MCM9: variants seen among roughly 807,000 people sequenced by gnomAD.
MCM9 encodes DNA helicase MCM9.
Under a neutral mutation model 72.8 loss-of-function variants are expected in MCM9, and 55 were observed. The observed-to-expected ratio is 0.76, with a 90% CI of 0.61 to 0.95. MCM9 has a LOEUF of 0.95. MCM9 is among the 40% of genes least tolerant of loss of function. The pLI is 0.00. For synonymous variants in MCM9, 480 were observed against 503.4 expected (o/e 0.95, Z 0.62); for missense variants, 1,279 against 1,377.0 (o/e 0.93, Z 1.13).
chr6:118,907,435 G>C, intron 8 of MCM9: 1 of 1,609,372 alleles, frequency 6.2e-7, no homozygotes, highest in Non-Finnish European at 8.5e-7. Context: ...TAATCCCAGG[G>C]TCACAAGATT....
In MCM9 at chr6:118,814,882, T is replaced by A. The variant is rs1562395187; in HGVS notation, c.3374A>T (p.Glu1125Val). 6.5e-6 allele frequency: 10 copies of A among 1,544,932 alleles called. No individual in the cohort carries two copies. In the South Asian group the frequency reaches 9.6e-5, roughly 15 times the overall value. ...VSKESLFTLP[E>V]LGDEAFDCDW... ...ACAATCAAATGCTTCATCACCTAGT[T>A]CTGGTAAAGTGAAGAGGGATTCTTT... Residue 1125 changes from glutamate to valine, a missense_variant, in exon 14 of 14, where the codon GAA (glutamate) becomes GTA (valine). Physicochemically the swap from Glu to Val is moderately radical, Grantham distance 121 (BLOSUM62 -2). Coordinates refer to ENST00000619706, the MANE Select transcript of MCM9 (RefSeq NM_017696.3).
Position 118,856,483 on chromosome 6 carries a change from G to C in MCM9, c.1213C>G (p.Leu405Val). The C allele has an allele frequency of 6.5e-7, 1 of 1,535,610 alleles. No homozygotes were observed. The highest frequency in any genetic ancestry group is 8.7e-7 in the Non-Finnish European group (1 of 1,146,846). The change falls in exon 9 of 14, where the codon CTT (leucine) becomes GTT (valine). Residue 405 changes from leucine to valine, a missense_variant. Physicochemically the swap from Leu to Val is conservative, Grantham distance 32 (BLOSUM62 1). Transcript: ENST00000619706. ...ATACAGCAAAGGCCCGCATCTGCAAGAACTAATGCCCCAGCCTCCAAATTC... is the reference window on the plus strand; with the variant it reads ...ATACAGCAAAGGCCCGCATCTGCAACAACTAATGCCCCAGCCTCCAAATTC... ...EWNLEAGALV[L>V]ADAGLCCIDE...
rs1358430607 is a variant in MCM9 at position 118,816,089 on chromosome 6, T to C, written c.2167A>G (p.Asn723Asp). Residue 723 changes from asparagine (N) to aspartate (D), a missense_variant, in exon 14 of 14, where the codon AAT becomes GAT. Transcript: ENST00000619706. ...VLDPPPHLEP[N>D]RSTSRKHSAQ... ...GAATGTTTCCTACTTGTTGATCTATTAGGCTCCAGATGCGGTGGGGGATCT... is the reference window on the plus strand; with the variant it reads ...GAATGTTTCCTACTTGTTGATCTATCAGGCTCCAGATGCGGTGGGGGATCT... The C allele has an allele frequency of 9.7e-6, 15 of 1,550,326 alleles. No individual in the cohort carries two copies. The Admixed American group carries it at 2.7e-4, about 28-fold the overall frequency.
intron 8 of MCM9, among the ~76,000 whole-genome samples, chr6:118,893,363 A>C (rs1324998417): frequency 6.6e-6 from 1 of 152,120 alleles, no homozygotes; most frequent in Non-Finnish European, 1.5e-5. Context: ...GTCTCCTAAC[A>C]CTTCCATTTT....
In MCM9 at chr6:118,917,688, C is replaced by T. The variant is rs547049124; in HGVS notation, c.777G>A (p.Val259=). The change falls in exon 6 of 14, where the codon GTG becomes GTA. Residue 259 remains valine, a synonymous_variant. Coordinates refer to ENST00000619706, the MANE Select transcript of MCM9 (RefSeq NM_017696.3). ...KPFQQDVRCE[V]EIVLKANYIQ... is the part of the protein sequence containing the mutation. Reference sequence around the variant, plus strand: ...TGTAATTTGCTTTCAGGACTATCTCCACTTCACAGCGCACATCTTGCTGAA... The same window carrying T: ...TGTAATTTGCTTTCAGGACTATCTCTACTTCACAGCGCACATCTTGCTGAA... 7 of 1,614,110 alleles carry T rather than the reference C, an allele frequency of 4.3e-6. No homozygotes were observed. Among genetic ancestry groups the T allele is most frequent in the Middle Eastern group, 3.3e-4 (2 of 6,062 alleles).
chr6:118,872,726 A>G (rs1157560984), intron 8 of MCM9, among the ~76,000 whole-genome samples: 1 of 152,184 alleles, frequency 6.6e-6, no homozygotes, highest in Non-Finnish European at 1.5e-5. Context: ...ACTTAGAGCG[A>G]CATTAGTGCT....
intron 8 of MCM9, among the ~76,000 whole-genome samples, chr6:118,865,336 G>C (rs1486014467): frequency 1.3e-5 from 2 of 152,138 alleles, no homozygotes; most frequent in African/African-American, 4.8e-5. Flanking sequence ...CACATATCAA[G>C]TGCTCCAACT....
chr6:118,902,529 T>A (rs1779870962), intron 8 of MCM9, among the ~76,000 whole-genome samples: 1 of 4,866 alleles, frequency 2.1e-4, no homozygotes, highest in Non-Finnish European at 3.4e-4. Context: ...CTGATAATAC[T>A]TTTTTTTTTT....
chr6:118,864,133 A>G (rs1562415185), intron 8 of MCM9, among the ~76,000 whole-genome samples: 1 of 151,796 alleles, frequency 6.6e-6, no homozygotes, highest in Non-Finnish European at 1.5e-5. Flanking sequence ...TTTAGTGCTG[A>G]TTTCTGAGAT....
chr6:118,863,927 T>C (rs140552131), intron 8 of MCM9, among the ~76,000 whole-genome samples: 9 of 152,162 alleles, frequency 5.9e-5, no homozygotes, highest in African/African-American at 2.2e-4. Context: ...AACTAAATAT[T>C]AATCCACCTC....
intron 9 of MCM9, among the ~76,000 whole-genome samples, chr6:118,854,799 T>C (rs894864286): frequency 6.6e-6 from 1 of 152,270 alleles, no homozygotes; most frequent in Non-Finnish European, 1.5e-5. Flanking sequence ...TCTAATACAT[T>C]GATTGATTTT....
Position 118,911,670 on chromosome 6 carries a change from C to A in MCM9, c.1130G>T (p.Gly377Val), listed in dbSNP as rs748606557. 6.2e-7 allele frequency: 1 copy of A among 1,611,484 alleles called. No homozygotes were observed. Among genetic ancestry groups the A allele is most frequent in the Admixed American group, 1.7e-5 (1 of 59,860 alleles). ...KITPRSVLTTGIGSTSAGLTV... is the reference protein window; with the variant it reads ...KITPRSVLTTVIGSTSAGLTV... ...AATACCTGCACTAGTAGATCCAATT[C>A]CTGTGGTCAGCACAGATCTTGGTGT... is the stretch of plus-strand genomic sequence containing the variant. The change falls in exon 8 of 14, where the codon GGA becomes GTA. Residue 377 changes from glycine (G) to valine (V), a missense_variant. By Grantham distance (109) the Gly-to-Val change is moderately radical. Coordinates refer to ENST00000619706, the MANE Select transcript of MCM9 (RefSeq NM_017696.3).
intron 8 of MCM9, among the ~76,000 whole-genome samples, chr6:118,885,334 G>C (rs1165521663): frequency 6.6e-6 from 1 of 151,936 alleles, no homozygotes; most frequent in Non-Finnish European, 1.5e-5. Flanking sequence ...GGCAAGCACA[G>C]GAAGGAAATA....
intron 13 of MCM9, among the ~76,000 whole-genome samples, chr6:118,821,293 T>C (rs1773792118): frequency 6.6e-6 from 1 of 152,182 alleles, no homozygotes; most frequent in Non-Finnish European, 1.5e-5. Context: ...AGTGCTTCCT[T>C]CAGGAGCTCT....
At chr6:118,816,880 G>A (rs73766830) in intron 13 of MCM9, among the ~76,000 whole-genome samples, 4,428 of 152,142 alleles carry the variant, frequency 0.029, 214 homozygotes, top group African/African-American at 0.1. Context: ...TCACACTGCC[G>A]CCTCCTGTAC....
intron 8 of MCM9, among the ~76,000 whole-genome samples, chr6:118,858,233 C>T (rs1034763748): frequency 6.6e-6 from 1 of 151,994 alleles, no homozygotes; most frequent in African/African-American, 2.4e-5. Flanking sequence ...GTGTAATTCG[C>T]CATATCAATA....
At chr6:118,894,531 GGCGCCCGT>G in intron 8 of MCM9, 1 of 1,534,348 alleles carries the variant, frequency 6.5e-7, no homozygotes, top group Non-Finnish European at 8.7e-7. Context: ...AGGTGAGTGC[GGCGCCCGT>G]GCGCCCGGGC....
At chr6:118,835,896 T>C (rs1386993208) in intron 9 of MCM9, among the ~76,000 whole-genome samples, 5 of 152,132 alleles carry the variant, frequency 3.3e-5, no homozygotes, top group African/African-American at 1.2e-4. Context: ...TGACTAGGAG[T>C]GGTGAGAGAG....
intron 9 of MCM9, among the ~76,000 whole-genome samples, chr6:118,850,169 A>C (rs1242292216): frequency 1.3e-5 from 2 of 151,986 alleles, no homozygotes; most frequent in Admixed American, 6.5e-5. Flanking sequence ...AAAAGCATTC[A>C]AACTACTTTT....
Sources: allele counts gnomAD v4.1 joint callset (sites outside exome capture counted in the v4.1 genomes callset), GRCh38; gene constraint gnomAD v4.1.1; transcripts MANE v1.5; gene names NCBI Gene and HGNC (gene_info 2026-07-23, HGNC 2026-07-21).